Variants in DCAF6 observed in about 807,000 individuals in gnomAD.
DCAF6 encodes DDB1 and CUL4 associated factor 6.
Under a neutral mutation model 125.1 loss-of-function variants are expected in DCAF6, and 54 were observed. The ratio of observed to expected loss-of-function variants is 0.43; its 90% CI spans 0.35 to 0.54. The LOEUF is 0.54. Among genes scored for constraint, DCAF6 ranks in the 20% least tolerant of loss-of-function variants. The pLI is 0.01. For missense variants in DCAF6, 934 were observed against 1,161.7 expected, an observed-to-expected ratio of 0.80 and a Z score of 2.85; for synonymous variants, 371 against 390.4, an observed-to-expected ratio of 0.95 and a Z score of 0.58.
chr1:167,878,409 AC>A, the DCAF6 span: 1 of 1,600,428 alleles, frequency 6.2e-7, no homozygotes, highest in East Asian at 2.2e-5. Context: ...CCGCTTCTTT[AC>A]TAAAATATAC....
At chr1:168,075,284 C>T (rs561389902) in intron 21 of DCAF6, 87 bp from the exon 22 acceptor site, 88 of 1,227,100 alleles carry the variant, frequency 7.2e-5, no homozygotes, top group African/African-American at 1.3e-4. Context: ...ATTTTTAATG[C>T]GTTTTAAATA....
At chr1:167,953,136 C>T (rs115685338) in intron 2 of DCAF6, among the ~76,000 whole-genome samples, 2,297 of 151,980 alleles carry the variant, frequency 0.015, 54 homozygotes, top group African/African-American at 0.051. Context: ...ATATATAGTC[C>T]ATATTTTCTT....
intron 12 of DCAF6, among the ~76,000 whole-genome samples, chr1:168,025,274 A>T (rs1686195023): frequency 1.3e-5 from 2 of 152,334 alleles, no homozygotes; most frequent in Non-Finnish European, 2.9e-5. Context: ...AATTATGATT[A>T]ACTCCCAGAT....
intron 21 of DCAF6, among the ~76,000 whole-genome samples, chr1:168,069,381 A>G (rs1692754899): frequency 6.6e-6 from 1 of 152,118 alleles, no homozygotes; most frequent in African/African-American, 2.4e-5. Context: ...TGACTACTCC[A>G]TCCACACTGG....
At chr1:167,893,898 C>G in the DCAF6 span, 1 of 1,613,490 alleles carries the variant, frequency 6.2e-7, no homozygotes, top group Non-Finnish European at 8.5e-7. Flanking sequence ...GGGACATCTC[C>G]AGTTCAGGAT....
intron 11 of DCAF6, chr1:168,019,432 C>T: frequency 3.1e-6 from 1 of 325,308 alleles, no homozygotes; most frequent in South Asian, 2.3e-5. Flanking sequence ...TGATAGCATT[C>T]AGGGTTTTGA....
the DCAF6 span, among the ~76,000 whole-genome samples, chr1:167,926,068 G>A: frequency 1.2e-4 from 18 of 152,256 alleles, no homozygotes; most frequent in South Asian, 3.1e-3. Flanking sequence ...AGAAGATCAC[G>A]GCACAAACCC....
At chr1:167,893,787 T>C in the DCAF6 span, 3 of 1,076,106 alleles carry the variant, frequency 2.8e-6, no homozygotes, top group Non-Finnish European at 4.2e-6. Context: ...TTTTCTTAAA[T>C]CTTAAAATTC....
chr1:167,985,258 T>C (rs1167761882), intron 4 of DCAF6, among the ~76,000 whole-genome samples: 2 of 152,038 alleles, frequency 1.3e-5, no homozygotes, highest in African/African-American at 4.8e-5. Flanking sequence ...TGCACGTGGC[T>C]TAAAGTAACA....
At chr1:167,923,478 G>A in the DCAF6 span, among the ~76,000 whole-genome samples, 1 of 152,106 alleles carries the variant, frequency 6.6e-6, no homozygotes, top group Non-Finnish European at 1.5e-5. Context: ...CCATTTACAT[G>A]AGGTACTTAG....
chr1:168,004,290 G>A (rs181685720), intron 9 of DCAF6, among the ~76,000 whole-genome samples: 1 of 152,062 alleles, frequency 6.6e-6, no homozygotes, highest in East Asian at 1.9e-4. Context: ...AAAATTCTGT[G>A]TATAAACAAG....
Position 167,985,960 on chromosome 1 carries a change from G to A in DCAF6, c.439-1535G>A, listed in dbSNP as rs113980518. Among the ~76,000 whole-genome samples, 803 of 152,226 alleles carry A rather than the reference G, an allele frequency of 5.3e-3. 5 individuals are homozygous for A. Among genetic ancestry groups the A allele is most frequent in the African/African-American group, 0.018 (759 of 41,524 alleles). ...GCCTTTTTACGATTTTATAAAAATG[G>A]GAATCATACTGTGCCTTCTCTTTTG... On this transcript the variant is annotated intron_variant, in intron 4 of 21. Coordinates refer to ENST00000367840, the MANE Select transcript of DCAF6 (RefSeq NM_001198956.2).
chr1:168,073,960 ATGTAT>A (rs1238535709), intron 21 of DCAF6, among the ~76,000 whole-genome samples: 1 of 148,178 alleles, frequency 6.7e-6, no homozygotes, highest in African/African-American at 2.5e-5. Flanking sequence ...TTTTATAAAT[ATGTAT>A]TGAATACATA....
In DCAF6 at chr1:168,065,620, T is replaced by C; in HGVS notation, c.2470T>C (p.Phe824Leu). 1 of 1,609,926 alleles carries C rather than the reference T, an allele frequency of 6.2e-7. No homozygotes were observed. Among genetic ancestry groups the C allele is most frequent in the East Asian group, 2.2e-5 (1 of 44,814 alleles). Residue 824 changes from phenylalanine (F) to leucine (L), a missense_variant, in exon 19 of 22, where the codon TTT becomes CTT. Coordinates refer to ENST00000367840, the MANE Select transcript of DCAF6 (RefSeq NM_001198956.2). ...AGAAGCCAATTTCTGGGGTGCTAAC[T>C]TTGTAATGAGTGGTTCTGACTGTGG... ...IKEANFWGAN[F>L]VMSGSDCGHI...
At position 168,043,144 on chromosome 1, in the gene DCAF6, A is replaced by T. The variant is rs375895068; in HGVS notation, c.1843+4A>T. 6.2e-6 allele frequency: 10 copies of T among 1,606,702 alleles called. No homozygotes were observed. In the African/African-American group the frequency reaches 1.2e-4, roughly 19 times the overall value. ...CCAGAAGGAGACAGTGAAACAAGTAAGGTGTTATTTTGCTTTTGTTGTTAT... is the reference window on the plus strand; with the variant it reads ...CCAGAAGGAGACAGTGAAACAAGTATGGTGTTATTTTGCTTTTGTTGTTAT... On this transcript the variant is annotated splice_donor_region_variant and intron_variant, in intron 14 of 21. Coordinates refer to ENST00000367840, the MANE Select transcript of DCAF6 (RefSeq NM_001198956.2).
chr1:167,953,633 C>T (rs1033100645), intron 2 of DCAF6, among the ~76,000 whole-genome samples: 10 of 152,284 alleles, frequency 6.6e-5, no homozygotes, highest in African/African-American at 2.4e-4. Context: ...TGGGGTCTTG[C>T]TCTGTCACCA....
intron 15 of DCAF6, 102 bp from the exon 16 acceptor site, chr1:168,044,798 T>C: frequency 7.0e-7 from 1 of 1,433,632 alleles, no homozygotes. Flanking sequence ...TATAGAGGAA[T>C]TAGACATCAT....
chr1:168,015,960 T>G lies in DCAF6; in HGVS notation c.1549+9T>G, dbSNP rs1167281110. On this transcript the variant is annotated intron_variant, in intron 11 of 21. Coordinates refer to ENST00000367840, the MANE Select transcript of DCAF6 (RefSeq NM_001198956.2). The stretch of plus-strand genomic sequence containing the variant: ...GGACCCTCATGCTTCAGGTTATTAA[T>G]GTCAAGTGTCCTTAAGCAGCTGATA... The G allele has an allele frequency of 2.6e-5, 39 of 1,473,826 alleles. No individual in the cohort carries two copies. Among genetic ancestry groups the G allele is most frequent in the Non-Finnish European group, 3.3e-5 (36 of 1,107,404 alleles). The allele number at this position is 1,473,826 out of a possible 1,614,324, so 91.3% of individuals were successfully genotyped here. A position where few individuals can be genotyped will look rare whatever the true frequency, so the allele number is the denominator to read the frequency against.
At chr1:167,935,846 G>A (rs777928479), upstream of DCAF6, 5 of 1,548,738 alleles carry the variant, frequency 3.2e-6, no homozygotes, top group South Asian at 2.4e-5. Flanking sequence ...CGACATCGCC[G>A]CCGAGGGATC....
Sources: gnomAD v4.1 joint callset for allele counts (sites outside exome capture counted in the v4.1 genomes callset) on GRCh38, gnomAD v4.1.1 for gene constraint, MANE v1.5 for transcripts, NCBI Gene and HGNC (gene_info 2026-07-23, HGNC 2026-07-21) for gene names.